The following ZNF607 variants were observed in gnomAD, a reference collection of about 807,000 sequenced individuals.
ZNF607 encodes zinc finger protein 607.
Under a neutral mutation model 12.8 loss-of-function variants are expected in ZNF607, and 5 were observed. The observed-to-expected ratio is 0.39, with a 90% CI of 0.20 to 0.82. The LOEUF (loss-of-function observed/expected upper bound fraction) is 0.82. Among genes scored for constraint, ZNF607 ranks in the 40% least tolerant of loss-of-function variants. ZNF607 has a pLI of 0.39. For synonymous variants in ZNF607, 287 were observed against 276.2 expected (o/e 1.04, Z -0.39); for missense variants, 851 against 859.2 (o/e 0.99, Z 0.12).
intron 4 of ZNF607, among the ~76,000 whole-genome samples, chr19:37,702,298 A>AAAAAAAAAAAAG (rs2045046004): frequency 6.6e-6 from 1 of 151,076 alleles, no homozygotes; most frequent in African/African-American, 2.4e-5. Context: ...AAAAAAAAAA[A>AAAAAAAAAAAAG]AAAAAAAAAA....
chr19:37,707,465 C>T (rs2045094675), intron 4 of ZNF607, among the ~76,000 whole-genome samples: 1 of 151,904 alleles, frequency 6.6e-6, no homozygotes, highest in African/African-American at 2.4e-5. Context: ...AAAGGTTGGG[C>T]AGGGGGATAT....
chr19:37,698,231 T>C lies in ZNF607; in HGVS notation c.1900A>G (p.Arg634Gly). ...CCATCAGCATGAACGCTTTCATGTC[T>C]AACAAGATATGAGGCACAGTGAAAT... ...KAFHCASYLV[R>G]HESVHADGNP... Residue 634 changes from arginine to glycine, a missense_variant, in exon 5 of 5, where the codon AGA becomes GGA. Coordinates refer to ENST00000355202, the MANE Select transcript of ZNF607 (RefSeq NM_032689.5). 5 of 1,614,212 alleles carry C rather than the reference T, an allele frequency of 3.1e-6. No individual in the cohort carries two copies. The South Asian group carries it at 3.3e-5, about 11-fold the overall frequency.
chr19:37,706,129 G>A (rs574219487), intron 4 of ZNF607, among the ~76,000 whole-genome samples: 4 of 152,120 alleles, frequency 2.6e-5, no homozygotes, highest in Non-Finnish European at 4.4e-5. Context: ...AGGAGGTGGA[G>A]GTTGCAGTGA....
Position 37,697,944 on chromosome 19 carries a change from G to T in ZNF607, c.*96C>A. ...AATAAAAACTGAACTGTATCTCAAA[G>T]CCATTCCACATTGTCTTCATTCAAA... On this transcript the variant is annotated 3_prime_UTR_variant, in exon 5 of 5. Coordinates refer to ENST00000355202, the MANE Select transcript of ZNF607 (RefSeq NM_032689.5). 8.1e-7 allele frequency: 1 copy of T among 1,235,018 alleles called. No homozygotes were observed. Among genetic ancestry groups the T allele is most frequent in the African/African-American group, 1.5e-5 (1 of 66,400 alleles). The allele number at this position is 1,235,018 out of a possible 1,614,324, so 76.5% of individuals were successfully genotyped here. A position where few individuals can be genotyped will look rare whatever the true frequency, so the allele number is the denominator to read the frequency against.
Position 37,699,473 on chromosome 19 carries a change from A to G in ZNF607, c.658T>C (p.Tyr220His), listed in dbSNP as rs759314986. Residue 220 changes from tyrosine to histidine, a missense_variant, in exon 5 of 5, where the codon TAT becomes CAT. Transcript: ENST00000355202. ...TTACATTCGTAGGGTTTCTCACCAT[A>G]ATGAAATCTATGATGTACAGTAAGT... Reference protein sequence around the residue: ...RQLTVHHRFHYGEKPYECKEC... With the variant: ...RQLTVHHRFHHGEKPYECKEC... The G allele has an allele frequency of 1.9e-6, 3 of 1,613,892 alleles. No individual in the cohort carries two copies. Among genetic ancestry groups the G allele is most frequent in the South Asian group, 2.2e-5 (2 of 91,056 alleles).
chr19:37,706,214 G>T (rs2045082043), intron 4 of ZNF607, among the ~76,000 whole-genome samples: 1 of 149,772 alleles, frequency 6.7e-6, no homozygotes, highest in African/African-American at 2.5e-5. Context: ...AAAGAGAGGA[G>T]AAGAGAGGAG....
Position 37,699,406 on chromosome 19 carries a change from C to T in ZNF607, c.725G>A (p.Arg242Gln), listed in dbSNP as rs141287760. Reference protein sequence around the residue: ...KAFSVYGRLSRHQSIHTGEKP... With the variant: ...KAFSVYGRLSQHQSIHTGEKP... ...CTCACCAGTGTGAATACTCTGATGT[C>T]GACTAAGTCGTCCATACACACTAAA... Residue 242 changes from arginine to glutamine, a missense_variant, in exon 5 of 5, where the codon CGA becomes CAA. By Grantham distance (43) the Arg-to-Gln change is conservative. Coordinates refer to ENST00000355202, the MANE Select transcript of ZNF607 (RefSeq NM_032689.5). 30 of 1,613,868 alleles carry T rather than the reference C, an allele frequency of 1.9e-5. 1 individual carries two copies. The highest frequency in any genetic ancestry group is 1.6e-4 in the Middle Eastern group (1 of 6,080).
Position 37,698,161 on chromosome 19 carries a change from C to T in ZNF607, c.1970G>A (p.Ser657Asn), listed in dbSNP as rs150034655. The change falls in exon 5 of 5, where the codon AGC (serine) becomes AAC (asparagine). Residue 657 changes from serine to asparagine, a missense_variant. Ser to Asn is a conservative substitution (Grantham distance 46). Transcript: ENST00000355202. ...CEECGKAFNS[S>N]HELSIHHRVH... Reference sequence around the variant, plus strand: ...TCTATGATGTATACTAAGTTCATGGCTACTATTAAAAGCTTTCCCACACTC... The same window carrying T: ...TCTATGATGTATACTAAGTTCATGGTTACTATTAAAAGCTTTCCCACACTC... 372 of 1,614,088 alleles carry T rather than the reference C, an allele frequency of 2.3e-4. 1 individual carries two copies. The highest frequency in any genetic ancestry group is 6.0e-4 in the Admixed American group (36 of 60,022).
At chr19:37,705,898 C>G (rs537220860) in intron 4 of ZNF607, among the ~76,000 whole-genome samples, 4 of 152,068 alleles carry the variant, frequency 2.6e-5, no homozygotes, top group African/African-American at 9.6e-5. Flanking sequence ...AACCCAAACA[C>G]TTCCTATAAA....
chr19:37,708,404 C>T (rs2045104675), intron 3 of ZNF607, among the ~76,000 whole-genome samples: 1 of 151,732 alleles, frequency 6.6e-6, no homozygotes, highest in African/African-American at 2.4e-5. Flanking sequence ...CCATGTTGGC[C>T]AGGCTGGTCT....
chr19:37,698,567 G>A lies in ZNF607; in HGVS notation c.1564C>T (p.Gln522Ter), dbSNP rs762655164. The change falls in exon 5 of 5, where the codon CAG (glutamine) becomes TAG (stop). Residue 522 changes from glutamine to a stop codon, truncating the protein, a stop_gained. Transcript: ENST00000355202. LOFTEE classifies it low-confidence loss of function (END_TRUNC). ...KAFSVSGQLT[Q>*]HLSIHSGKKP... ...TTACCACTGTGAATACTCAGATGCT[G>A]AGTAAGTTGTCCAGATACACTAAAG... The A allele has an allele frequency of 6.2e-7, 1 of 1,611,768 alleles. No homozygotes were observed. Among genetic ancestry groups the A allele is most frequent in the Non-Finnish European group, 8.5e-7 (1 of 1,178,226 alleles).
At position 37,703,272 on chromosome 19, in the gene ZNF607, C is replaced by CAA. The variant is rs200072041; in HGVS notation, c.236-3379_236-3378dup. Among the ~76,000 whole-genome samples the CAA allele has an allele frequency of 1.1e-3, 110 of 103,496 alleles. 1 individual carries two copies. The highest frequency in any genetic ancestry group is 6.0e-3 in the South Asian group (20 of 3,342). The allele number at this position is 103,496 out of a possible 152,430, so 67.9% of individuals were successfully genotyped here. On this transcript the variant is annotated intron_variant, in intron 4 of 4. Transcript: ENST00000355202. ...CCAACAGGTAAATTTAAATAAATAGCAAAAAAAAAAAAAATTGAAATAATC... is the reference window on the plus strand; with the variant it reads ...CCAACAGGTAAATTTAAATAAATAGCAAAAAAAAAAAAAAAATTGAAATAATC...
Position 37,709,708 on chromosome 19 carries a change from A to G in ZNF607, c.124T>C (p.Leu42=). 1 of 1,613,886 alleles carries G rather than the reference A, an allele frequency of 6.2e-7. No individual in the cohort carries two copies. The highest frequency in any genetic ancestry group is 8.5e-7 in the Non-Finnish European group (1 of 1,179,786). Residue 42 remains leucine (L), a synonymous_variant, in exon 3 of 5, where the codon TTA becomes CTA. Transcript: ENST00000355202. ...QEVMMENYDN[L]VSLAGHSVSK... is the part of the protein sequence containing the mutation. ...TTGATAAACATACCCAATGAGACTAAGTTGTCATAGTTCTCCATCATCACC... is the reference window on the plus strand; with the variant it reads ...TTGATAAACATACCCAATGAGACTAGGTTGTCATAGTTCTCCATCATCACC...
chr19:37,701,285 G>A (rs2972432), intron 4 of ZNF607, among the ~76,000 whole-genome samples: 4,090 of 152,218 alleles, frequency 0.027, 191 homozygotes, highest in African/African-American at 0.092. Flanking sequence ...TCTCTTCAAA[G>A]AATTAATCTA....
In ZNF607 at chr19:37,699,140, A is replaced by G; in HGVS notation, c.991T>C (p.Tyr331His). ...RYQLTMHQRI[Y>H]SGEKHYECKE... ...CATTCATAGTGTTTCTCCCCTGAAT[A>G]AATTCTCTGATGCATGGTAAGTTGA... The change falls in exon 5 of 5, where the codon TAT (tyrosine) becomes CAT (histidine). Residue 331 changes from tyrosine (Y) to histidine (H), a missense_variant. Coordinates refer to ENST00000355202, the MANE Select transcript of ZNF607 (RefSeq NM_032689.5). 1 of 1,614,152 alleles carries G rather than the reference A, an allele frequency of 6.2e-7. No homozygotes were observed. Among genetic ancestry groups the G allele is most frequent in the African/African-American group, 1.3e-5 (1 of 75,036 alleles).
At chr19:37,711,557 A>G (rs2045132921) in intron 2 of ZNF607, 53 bp downstream of exon 2, 4 of 1,599,954 alleles carry the variant, frequency 2.5e-6, no homozygotes, top group South Asian at 2.2e-5. Context: ...GAAGACATAC[A>G]TGACCTAAAA....
At chr19:37,708,111 G>C (rs780418086) in intron 3 of ZNF607, 99 bp from the exon 4 acceptor site, 1 of 826,504 alleles carries the variant, frequency 1.2e-6, no homozygotes, top group Non-Finnish European at 1.9e-6. Flanking sequence ...GTGATACTGA[G>C]TAAGATTTTA....
At chr19:37,714,337 ACAACAGCAG>A (rs909569626) in intron 1 of ZNF607, among the ~76,000 whole-genome samples, 12 of 147,948 alleles carry the variant, frequency 8.1e-5, no homozygotes, top group African/African-American at 2.5e-4. Flanking sequence ...AACAACAACA[ACAACAGCAG>A]CAGCAGCAGC....
chr19:37,702,278 A>G (rs767187227), intron 4 of ZNF607, among the ~76,000 whole-genome samples: 7 of 135,024 alleles, frequency 5.2e-5, no homozygotes, highest in Non-Finnish European at 1.1e-4. Flanking sequence ...CAACAGCGAA[A>G]CTCCATCTCA....
Sources: gnomAD v4.1 joint callset for allele counts (sites outside exome capture counted in the v4.1 genomes callset) on GRCh38, gnomAD v4.1.1 for gene constraint, MANE v1.5 for transcripts, NCBI Gene and HGNC (gene_info 2026-07-23, HGNC 2026-07-21) for gene names.